Variants in GTF2I observed in about 807,000 individuals in gnomAD.
The protein encoded by GTF2I is general transcription factor IIi, also known as general transcription factor II-I.
In GTF2I, 12 loss-of-function variants were observed where a neutral mutation model predicts 67.6. The ratio of observed to expected loss-of-function variants is 0.18; its 90% CI spans 0.11 to 0.29. The LOEUF (loss-of-function observed/expected upper bound fraction) is 0.29. Among genes scored for constraint, GTF2I ranks in the 10% least tolerant of loss-of-function variants. GTF2I has a pLI of 1.00. For synonymous variants in GTF2I, 149 were observed against 197.0 expected (o/e 0.76, Z 2.04); for missense variants, 271 against 580.1 (o/e 0.47, Z 5.47).
intron 1 of GTF2I, among the ~76,000 whole-genome samples, chr7:74,685,423 G>T (rs1238770568): frequency 6.6e-6 from 1 of 152,118 alleles, no homozygotes; most frequent in Non-Finnish European, 1.5e-5. Flanking sequence ...CTTGAACCCG[G>T]GAGGCAGAGG....
chr7:74,680,631 A>G (rs782286440), intron 1 of GTF2I, among the ~76,000 whole-genome samples: 3 of 152,082 alleles, frequency 2.0e-5, no homozygotes, highest in Admixed American at 1.3e-4. Context: ...AGTCCCAGCT[A>G]GTAGGGATGC....
At chr7:74,710,747 AGT>A (rs782413321) in intron 8 of GTF2I, among the ~76,000 whole-genome samples, 7 of 152,188 alleles carry the variant, frequency 4.6e-5, no homozygotes, top group Non-Finnish European at 8.8e-5. Flanking sequence ...GTGAAAAGGG[AGT>A]GTGGTAAAAT....
chr7:74,733,766 A>G (rs1225444637), intron 15 of GTF2I, 157 bp from the exon 16 acceptor site: 11 of 256,548 alleles, frequency 4.3e-5, no homozygotes, highest in African/African-American at 6.2e-5. Flanking sequence ...ACTCCGTCTC[A>G]GGAAAAAAAA....
intron 1 of GTF2I, among the ~76,000 whole-genome samples, chr7:74,678,238 T>TA (rs1318767513): frequency 2.7e-5 from 4 of 150,440 alleles, no homozygotes; most frequent in African/African-American, 9.8e-5. Flanking sequence ...TTTTTTTTTT[T>TA]AACTCAAGCC....
rs1584138294 is a variant in GTF2I, at chr7:74,689,002, T to C, written c.-5-122T>C. ...TCAAATACTTAGTTTCTGAGCCTTA[T>C]TTTGTCTCTAGAGCAAGAAAACTGT... On this transcript the variant is annotated intron_variant, in intron 1 of 34. Coordinates refer to ENST00000573035, the MANE Select transcript of GTF2I (RefSeq NM_032999.4). 7.5e-6 allele frequency: 5 copies of C among 663,024 alleles called. No individual in the cohort carries two copies. The East Asian group carries it at 1.0e-4, about 14-fold the overall frequency. 41.1% of individuals were successfully genotyped at this position (663,024 alleles called of 1,614,324 possible). A position where few individuals can be genotyped will look rare whatever the true frequency, so the allele number is the denominator to read the frequency against.
chr7:74,705,467 G>C (rs587608278), intron 7 of GTF2I, among the ~76,000 whole-genome samples: 112 of 151,958 alleles, frequency 7.4e-4, no homozygotes, highest in African/African-American at 2.6e-3. Flanking sequence ...GTATTTGGAA[G>C]TTAATATGCT....
intron 1 of GTF2I, among the ~76,000 whole-genome samples, chr7:74,683,370 A>C (rs116861109): frequency 6.6e-6 from 1 of 152,322 alleles, no homozygotes; most frequent in Non-Finnish European, 1.5e-5. Context: ...TAGTGTGCTG[A>C]AAGAATATAA....
In GTF2I at chr7:74,689,200, A is replaced by T. The variant is rs551805526; in HGVS notation, c.72A>T (p.Thr24=). The T allele has an allele frequency of 6.2e-7, 1 of 1,609,864 alleles. No homozygotes were observed. The highest frequency in any genetic ancestry group is 1.7e-5 in the Admixed American group (1 of 59,982). The part of the protein sequence containing the change: ...EESSESRMVV[T]FLMSALESMC... ...CCTCGGAGAGCAGGATGGTGGTGACATTCCTCATGTCAGCTCTCGAGTCCA... is the reference window on the plus strand; with the variant it reads ...CCTCGGAGAGCAGGATGGTGGTGACTTTCCTCATGTCAGCTCTCGAGTCCA... Residue 24 remains threonine, a synonymous_variant, in exon 2 of 35, where the codon ACA becomes ACT. Transcript: ENST00000573035.
At chr7:74,706,318 C>T in intron 7 of GTF2I, 72 bp from the exon 8 acceptor site, 1 of 1,304,782 alleles carries the variant, frequency 7.7e-7, no homozygotes, top group Non-Finnish European at 1.1e-6. Context: ...CTTTGAGACC[C>T]AGAGACTTTG....
chr7:74,683,206 C>G (rs2131264413), intron 1 of GTF2I, among the ~76,000 whole-genome samples: 1 of 152,208 alleles, frequency 6.6e-6, no homozygotes, highest in South Asian at 2.1e-4. Context: ...CTAGAATACA[C>G]AGTGAAACTG....
chr7:74,683,093 A>G (rs908565152), intron 1 of GTF2I, among the ~76,000 whole-genome samples: 12 of 152,216 alleles, frequency 7.9e-5, no homozygotes, highest in African/African-American at 2.7e-4. Flanking sequence ...ATGGGGCAGA[A>G]TCTAAAGAGA....
intron 3 of GTF2I, among the ~76,000 whole-genome samples, chr7:74,696,907 A>C (rs1268981044): frequency 6.6e-6 from 1 of 152,174 alleles, no homozygotes; most frequent in African/African-American, 2.4e-5. Context: ...GAAATTCTTC[A>C]GGAGAATTCT....
chr7:74,720,986 T>C (rs1211061429), intron 12 of GTF2I, among the ~76,000 whole-genome samples: 28 of 152,184 alleles, frequency 1.8e-4, no homozygotes, highest in Admixed American at 1.7e-3. Flanking sequence ...TTTTGAACTT[T>C]AACTGTTTTG....
intron 11 of GTF2I, among the ~76,000 whole-genome samples, 180 bp from the exon 12 acceptor site, chr7:74,718,699 T>G (rs1260775930): frequency 6.6e-6 from 1 of 152,270 alleles, no homozygotes; most frequent in South Asian, 2.1e-4. Flanking sequence ...ATTTTTGTTT[T>G]CTTTTATCCC....
intron 12 of GTF2I, chr7:74,726,566 T>A (rs1342073393): frequency 6.6e-6 from 1 of 152,178 alleles, no homozygotes; most frequent in African/African-American, 2.4e-5. Flanking sequence ...TTTTCTGTCC[T>A]GGTCCCGTGG....
chr7:74,685,503 A>G (rs1443822553), intron 1 of GTF2I, among the ~76,000 whole-genome samples: 3 of 151,982 alleles, frequency 2.0e-5, no homozygotes, highest in African/African-American at 7.3e-5. Flanking sequence ...TCTCAAAACA[A>G]AAACAAAAGG....
At chr7:74,686,392 G>A (rs1237556655) in intron 1 of GTF2I, among the ~76,000 whole-genome samples, 2 of 152,164 alleles carry the variant, frequency 1.3e-5, no homozygotes, top group African/African-American at 4.8e-5. Context: ...ATGAGAAAAA[G>A]TGGTAACAGC....
intron 1 of GTF2I, among the ~76,000 whole-genome samples, chr7:74,677,022 G>C (rs587749640): frequency 6.5e-4 from 99 of 152,178 alleles, no homozygotes; most frequent in African/African-American, 2.3e-3. Flanking sequence ...TTACGCCCCT[G>C]CACTCCAGCC....
At chr7:74,737,208 A>G (rs1409228693) in intron 18 of GTF2I, among the ~76,000 whole-genome samples, 1 of 149,422 alleles carries the variant, frequency 6.7e-6, no homozygotes, top group Non-Finnish European at 1.5e-5. Context: ...AATTAAAAAA[A>G]AAAAATAGAA....
Sources: allele counts gnomAD v4.1 joint callset (sites outside exome capture counted in the v4.1 genomes callset), GRCh38; gene constraint gnomAD v4.1.1; transcripts MANE v1.5; gene names NCBI Gene and HGNC (gene_info 2026-07-23, HGNC 2026-07-21).